Variants in SLC8A1 observed in about 807,000 individuals in gnomAD.
SLC8A1 encodes solute carrier family 8 member A1.
SLC8A1 carries 18 observed loss-of-function variants against 68.3 expected under a neutral mutation model. The ratio of observed to expected loss-of-function variants is 0.26; its 90% CI spans 0.18 to 0.39. The LOEUF is 0.39. Ranked by LOEUF, SLC8A1 falls within the 10% of genes least tolerant of loss-of-function variation. The pLI is 1.00. For synonymous variants in SLC8A1, 475 were observed against 415.5 expected, an observed-to-expected ratio of 1.14 and a Z score of -1.74; for missense variants, 985 against 1,156.7, an observed-to-expected ratio of 0.85 and a Z score of 2.15.
At chr2:40,501,805 AC>A (rs2149936921) in intron 1 of SLC8A1, among the ~76,000 whole-genome samples, 2 of 152,210 alleles carry the variant, frequency 1.3e-5, no homozygotes, top group South Asian at 4.1e-4. Flanking sequence ...GTGGGACCTG[AC>A]AAAAGCTTTA....
At position 40,175,292 on chromosome 2, in the gene SLC8A1, AACAG is replaced by A. The variant is rs1046541953; in HGVS notation, c.1913-454_1913-451del. 5.6e-6 allele frequency: 9 copies of A among 1,612,546 alleles called. No individual in the cohort carries two copies. The Admixed American group carries it at 1.0e-4, about 18-fold the overall frequency. On this transcript the variant is annotated intron_variant, in intron 3 of 7. Transcript: ENST00000406785. ...CATTCAATAACAGGGCTGTGAAGGA[AACAG>A]ACAAAGACAAACACAGAATAAGAGA...
chr2:40,200,961 T>C (rs1159906964), intron 2 of SLC8A1, among the ~76,000 whole-genome samples: 1 of 151,838 alleles, frequency 6.6e-6, no homozygotes, highest in Non-Finnish European at 1.5e-5. Flanking sequence ...TAACATTTCT[T>C]TATTTCCACA....
chr2:40,375,666 C>A (rs1351795583), intron 2 of SLC8A1, among the ~76,000 whole-genome samples: 6 of 151,956 alleles, frequency 3.9e-5, no homozygotes, highest in Admixed American at 1.3e-4. Flanking sequence ...AGACCCACTC[C>A]CAAAGAAACT....
chr2:40,254,302 T>C (rs772745999), intron 2 of SLC8A1: 1 of 152,262 alleles, frequency 6.6e-6, no homozygotes, highest in Non-Finnish European at 1.5e-5. Context: ...TGCCACACCT[T>C]GTGAGACAGC....
At chr2:40,257,730 G>C (rs903706968) in intron 2 of SLC8A1, among the ~76,000 whole-genome samples, 6 of 152,182 alleles carry the variant, frequency 3.9e-5, no homozygotes, top group Non-Finnish European at 8.8e-5. Context: ...TTCTCTGCAT[G>C]TTCCTCAGTG....
intron 2 of SLC8A1, among the ~76,000 whole-genome samples, chr2:40,221,216 G>T (rs1194634583): frequency 6.6e-6 from 1 of 152,032 alleles, no homozygotes; most frequent in Non-Finnish European, 1.5e-5. Flanking sequence ...GGGATGCAAG[G>T]GTGGTTCAAC....
chr2:40,201,687 A>G (rs771120717), intron 2 of SLC8A1, among the ~76,000 whole-genome samples: 10 of 151,934 alleles, frequency 6.6e-5, no homozygotes, highest in Non-Finnish European at 1.5e-4. Context: ...AAAACTGGAA[A>G]CATGGAAGGC....
At chr2:40,253,688 A>G (rs753480172) in intron 2 of SLC8A1, among the ~76,000 whole-genome samples, 1 of 151,908 alleles carries the variant, frequency 6.6e-6, no homozygotes, top group Non-Finnish European at 1.5e-5. Flanking sequence ...GTAGCCAGGC[A>G]TGGTGGTGGG....
At chr2:40,252,337 T>TTGA (rs2062892757) in intron 2 of SLC8A1, among the ~76,000 whole-genome samples, 1 of 152,106 alleles carries the variant, frequency 6.6e-6, no homozygotes, top group African/African-American at 2.4e-5. Flanking sequence ...CATTTGTATT[T>TTGA]TGATTGATTG....
At chr2:40,118,606 A>AGTTTT in intron 7 of SLC8A1, 1 of 73,830 alleles carries the variant, frequency 1.4e-5, no homozygotes, top group Middle Eastern at 0.01. Context: ...AAAAAAAGGA[A>AGTTTT]GTTTTTTTTT....
intron 1 of SLC8A1, among the ~76,000 whole-genome samples, chr2:40,465,611 T>C (rs1156544375): frequency 6.6e-6 from 1 of 152,138 alleles, no homozygotes; most frequent in Non-Finnish European, 1.5e-5. Flanking sequence ...TATTATAAAA[T>C]GTTACCATTT....
chr2:40,304,339 G>C (rs1428477220), intron 2 of SLC8A1, among the ~76,000 whole-genome samples: 1 of 152,182 alleles, frequency 6.6e-6, no homozygotes, highest in East Asian at 1.9e-4. Context: ...CCAGATTCCA[G>C]ACACATCACC....
At chr2:40,394,492 G>C (rs1162221259) in intron 2 of SLC8A1, among the ~76,000 whole-genome samples, 1 of 151,948 alleles carries the variant, frequency 6.6e-6, no homozygotes, top group East Asian at 1.9e-4. Context: ...TTCTGAAACA[G>C]AGCGGTAGCA....
intron 2 of SLC8A1, among the ~76,000 whole-genome samples, chr2:40,411,393 T>G (rs1401939154): frequency 6.6e-6 from 1 of 152,086 alleles, no homozygotes; most frequent in African/African-American, 2.4e-5. Flanking sequence ...CCATTAGGAA[T>G]GTAAATTCAG....
At chr2:40,162,302 T>C (rs2045823466) in intron 5 of SLC8A1, among the ~76,000 whole-genome samples, 1 of 152,302 alleles carries the variant, frequency 6.6e-6, no homozygotes, top group Non-Finnish European at 1.5e-5. Flanking sequence ...CTGACCATCC[T>C]CACTGCTACA....
intron 1 of SLC8A1, among the ~76,000 whole-genome samples, chr2:40,459,538 T>C (rs1475213544): frequency 6.6e-6 from 1 of 151,982 alleles, no homozygotes; most frequent in Non-Finnish European, 1.5e-5. Context: ...CATCCAAGAG[T>C]TGTTTCAAAA....
intron 2 of SLC8A1, among the ~76,000 whole-genome samples, chr2:40,181,057 T>G (rs1339044730): frequency 6.6e-6 from 1 of 152,188 alleles, no homozygotes; most frequent in African/African-American, 2.4e-5. Flanking sequence ...CCTCCCAGGT[T>G]CAAGCGATTC....
At chr2:40,256,799 C>G (rs1156584273) in intron 2 of SLC8A1, among the ~76,000 whole-genome samples, 1 of 152,170 alleles carries the variant, frequency 6.6e-6, no homozygotes, top group Non-Finnish European at 1.5e-5. Context: ...AAGGGTACTT[C>G]CTGCATCCAC....
Position 40,299,325 on chromosome 2 carries a change from G to A in SLC8A1, c.1809-121470C>T, listed in dbSNP as rs116705122. Among the ~76,000 whole-genome samples, 434 of 152,272 alleles carry A rather than the reference G, an allele frequency of 2.9e-3. 1 individual carries two copies. The highest frequency in any genetic ancestry group is 5.0e-3 in the Non-Finnish European group (339 of 68,022). On this transcript the variant is annotated intron_variant, in intron 2 of 7. Transcript: ENST00000406785. ...CTAAGTGATCTGCCTGCATTCTACA[G>A]AGTGGAGAAAAACTTATTAAAGATA...
Sources: gnomAD v4.1 joint callset for allele counts (sites outside exome capture counted in the v4.1 genomes callset) on GRCh38, gnomAD v4.1.1 for gene constraint, MANE v1.5 for transcripts, NCBI Gene and HGNC (gene_info 2026-07-23, HGNC 2026-07-21) for gene names.